Variants in CLIC5 observed in about 807,000 individuals in gnomAD.
The protein encoded by CLIC5 is CLIC family member 5.
In CLIC5, 20 loss-of-function variants were observed where a neutral mutation model predicts 24.7. That is an observed-to-expected ratio of 0.81 (90% CI 0.57 to 1.18). The LOEUF (loss-of-function observed/expected upper bound fraction) is 1.18, where lower values mean the gene tolerates loss of function less well. Among genes scored for constraint, CLIC5 ranks in the 50% most tolerant of loss-of-function variants. The pLI, the probability that CLIC5 is intolerant of heterozygous loss-of-function variation, is 0.00. For missense variants in CLIC5, 341 were observed against 326.1 expected (o/e 1.05, Z -0.35); for synonymous variants, 159 against 135.6 (o/e 1.17, Z -1.20).
chr6:46,029,784 A>G (rs1767447237), intron 1 of CLIC5, among the ~76,000 whole-genome samples: 1 of 152,164 alleles, frequency 6.6e-6, no homozygotes. Flanking sequence ...CAGAATTGAC[A>G]TCTTTCTGGG....
chr6:46,052,578 A>G (rs1431142091), intron 1 of CLIC5, among the ~76,000 whole-genome samples: 1 of 152,082 alleles, frequency 6.6e-6, no homozygotes. Flanking sequence ...CTTTTCCAGG[A>G]CCCTAGAGAA....
At chr6:46,101,403 TTTTA>T in the CLIC5 span, among the ~76,000 whole-genome samples, 1 of 152,240 alleles carries the variant, frequency 6.6e-6, no homozygotes, top group East Asian at 1.9e-4. Flanking sequence ...CTTAATTGGC[TTTTA>T]TTTGTGATTC....
At chr6:46,107,203 G>A in the CLIC5 span, among the ~76,000 whole-genome samples, 1 of 152,072 alleles carries the variant, frequency 6.6e-6, no homozygotes, top group African/African-American at 2.4e-5. Context: ...TCAGACAGGT[G>A]TATACTGTCT....
In CLIC5 at chr6:46,064,701, A is replaced by T. The variant is rs982186399; in HGVS notation, c.540+15002T>A. On this transcript the variant is annotated intron_variant, in intron 1 of 5. Transcript: ENST00000185206. ...AGATTTGTTTAACATTTGAAAATTA[A>T]TCGATGTATTTGACATTAAAGGGAA... 1.5e-4 allele frequency among the ~76,000 whole-genome samples: 23 copies of T among 152,126 alleles called. 1 individual carries two copies. The highest frequency in any genetic ancestry group is 4.4e-5 in the Non-Finnish European group (3 of 67,992).
the CLIC5 span, among the ~76,000 whole-genome samples, chr6:46,091,927 C>A: frequency 2.0e-5 from 3 of 152,120 alleles, no homozygotes; most frequent in Non-Finnish European, 4.4e-5. Context: ...TTTTTAGGAA[C>A]CTCCATACTG....
At chr6:45,960,605 A>G (rs1288171373) in intron 1 of CLIC5, among the ~76,000 whole-genome samples, 1 of 152,160 alleles carries the variant, frequency 6.6e-6, no homozygotes, top group Non-Finnish European at 1.5e-5. Flanking sequence ...CAGCCTGGCA[A>G]TAACCTTCCC....
upstream of CLIC5, among the ~76,000 whole-genome samples, chr6:46,084,947 A>T (rs1237488837): frequency 3.3e-5 from 5 of 152,168 alleles, no homozygotes. Context: ...ACATAGTCCA[A>T]TATTTCTTGG....
chr6:45,985,198 C>A (rs1190453248), intron 1 of CLIC5, among the ~76,000 whole-genome samples: 1 of 152,064 alleles, frequency 6.6e-6, no homozygotes, highest in Non-Finnish European at 1.5e-5. Flanking sequence ...CTCTGGGAGC[C>A]CTGAGCTGTT....
chr6:45,978,450 C>A (rs988514686), intron 1 of CLIC5, among the ~76,000 whole-genome samples: 1 of 152,050 alleles, frequency 6.6e-6, no homozygotes, highest in Non-Finnish European at 1.5e-5. Flanking sequence ...TATGGGGATT[C>A]TAGGAAGTAT....
intron 1 of CLIC5, among the ~76,000 whole-genome samples, chr6:46,036,549 T>A (rs1293592042): frequency 1.3e-5 from 2 of 151,416 alleles, no homozygotes; most frequent in Non-Finnish European, 3.0e-5. Flanking sequence ...TGACCTCGTG[T>A]TCCGCCTGCC....
chr6:46,068,954 A>C (rs1488426642), intron 1 of CLIC5, among the ~76,000 whole-genome samples: 1 of 152,154 alleles, frequency 6.6e-6, no homozygotes, highest in Non-Finnish European at 1.5e-5. Flanking sequence ...AAACTAATAC[A>C]TTAAGGTAAG....
intron 1 of CLIC5, 129 bp from the exon 2 acceptor site, chr6:45,955,373 G>C: frequency 1.6e-6 from 1 of 638,674 alleles, no homozygotes; most frequent in Non-Finnish European, 2.7e-6. Flanking sequence ...TCAAAGGGCG[G>C]TAGCCTGATA....
At position 45,926,194 on chromosome 6, in the gene CLIC5, T is replaced by TACAC. The variant is rs376453758; in HGVS notation, c.407-11789_407-11786dup. Among the ~76,000 whole-genome samples, 232 of 147,638 alleles carry TACAC rather than the reference T, an allele frequency of 1.6e-3. 2 individuals carry two copies. Among genetic ancestry groups the TACAC allele is most frequent in the African/African-American group, 5.5e-3 (222 of 40,320 alleles). On this transcript the variant is annotated intron_variant, in intron 4 of 5. Transcript: ENST00000339561. ...AGAAACATATATACACACACACACA[T>TACAC]ACACACACACACACACATATATACA...
At chr6:46,046,310 A>G (rs1466804990) in intron 1 of CLIC5, among the ~76,000 whole-genome samples, 2 of 152,128 alleles carry the variant, frequency 1.3e-5, no homozygotes, top group Admixed American at 6.6e-5. Flanking sequence ...TGCCTCACTT[A>G]AGGACCTTCC....
chr6:45,903,469 C>A (rs917693226), intron 5 of CLIC5, among the ~76,000 whole-genome samples: 3 of 152,132 alleles, frequency 2.0e-5, no homozygotes, highest in Admixed American at 6.6e-5. Context: ...TGCCCTTTGA[C>A]CTAGTGTGTC....
intron 1 of CLIC5, among the ~76,000 whole-genome samples, chr6:46,004,806 T>G (rs549833623): frequency 2.0e-4 from 30 of 152,292 alleles, no homozygotes; most frequent in African/African-American, 7.0e-4. Context: ...CCAGAGCCTG[T>G]GGGGAAGCCC....
At chr6:46,004,783 CAG>C (rs1766490553) in intron 1 of CLIC5, among the ~76,000 whole-genome samples, 1 of 152,232 alleles carries the variant, frequency 6.6e-6, no homozygotes, top group Non-Finnish European at 1.5e-5. Flanking sequence ...TTTCCCTACA[CAG>C]CTCCCCTCTC....
chr6:45,896,383 G>A (rs1762393077), downstream of CLIC5, among the ~76,000 whole-genome samples: 1 of 152,170 alleles, frequency 6.6e-6, no homozygotes. Context: ...TAATCTCATA[G>A]ACAAGGAGCC....
chr6:46,057,961 C>A lies in CLIC5; in HGVS notation c.540+21742G>T, dbSNP rs575547564. On this transcript the variant is annotated intron_variant, in intron 1 of 5. Transcript: ENST00000185206. Reference sequence around the variant, plus strand: ...TTGTTCCACCTAAATTCCTACATGACCTTTACAACCCAACTCACACATTGA... The same window carrying A: ...TTGTTCCACCTAAATTCCTACATGAACTTTACAACCCAACTCACACATTGA... Among the ~76,000 whole-genome samples, 22 of 152,286 alleles carry A rather than the reference C, an allele frequency of 1.4e-4. No individual in the cohort carries two copies. In the South Asian group the frequency reaches 4.4e-3, roughly 30 times the overall value.
Sources: gnomAD v4.1 joint callset for allele counts (sites outside exome capture counted in the v4.1 genomes callset) on GRCh38, gnomAD v4.1.1 for gene constraint, MANE v1.5 for transcripts, NCBI Gene and HGNC (gene_info 2026-07-23, HGNC 2026-07-21) for gene names.